Variants in HDAC9 observed in about 807,000 individuals in gnomAD.
The protein encoded by HDAC9 is MEF-2 interacting transcription repressor (MITR) protein.
Under a neutral mutation model 139.4 loss-of-function variants are expected in HDAC9, and 41 were observed. That is an observed-to-expected ratio of 0.29 (90% CI 0.23 to 0.38). HDAC9 has a LOEUF of 0.38. HDAC9 is among the 10% of genes least tolerant of loss of function. HDAC9 has a pLI of 1.00. For synonymous variants in HDAC9, 517 were observed against 476.2 expected (o/e 1.09, Z -1.12); for missense variants, 1,147 against 1,297.0 (o/e 0.88, Z 1.78).
intron 22 of HDAC9, among the ~76,000 whole-genome samples, chr7:18,904,855 A>G (rs538279445): frequency 2.7e-4 from 40 of 150,180 alleles, no homozygotes; most frequent in Middle Eastern, 3.5e-3. Context: ...GATTACAGGC[A>G]TGAGCCGCCG....
At chr7:18,750,518 C>G (rs1178968268) in intron 14 of HDAC9, among the ~76,000 whole-genome samples, 4 of 152,072 alleles carry the variant, frequency 2.6e-5, no homozygotes, top group Non-Finnish European at 2.9e-5. Context: ...CCTAGAAACC[C>G]CAAAGTGAAG....
At position 18,666,333 on chromosome 7, in the gene HDAC9, A is replaced by G; in HGVS notation, c.1588A>G (p.Thr530Ala). 6.2e-7 allele frequency: 1 copy of G among 1,613,428 alleles called. No homozygotes were observed. Among genetic ancestry groups the G allele is most frequent in the Non-Finnish European group, 8.5e-7 (1 of 1,179,618 alleles). Residue 530 changes from threonine (T) to alanine (A), a missense_variant, in exon 12 of 26, where the codon ACT (threonine) becomes GCT (alanine). By Grantham distance (58) the Thr-to-Ala change is moderately conservative (BLOSUM62 0). Coordinates refer to ENST00000686413, the MANE Select transcript of HDAC9 (RefSeq NM_178425.4). ...EDRAPSSGNSTRSDSSACVDD... is the reference protein window; with the variant it reads ...EDRAPSSGNSARSDSSACVDD... ...CAGAGCGCCCTCTAGTGGCAACAGC[A>G]CTAGGAGCGACAGCAGTGCTTGTGT...
At chr7:18,720,484 G>C (rs1435514614) in intron 12 of HDAC9, among the ~76,000 whole-genome samples, 4 of 151,306 alleles carry the variant, frequency 2.6e-5, no homozygotes, top group African/African-American at 9.7e-5. Context: ...ATAATATGTT[G>C]AAATTTTAAA....
At chr7:18,119,892 T>A (rs941379323) in intron 1 of HDAC9, among the ~76,000 whole-genome samples, 2 of 152,222 alleles carry the variant, frequency 1.3e-5, no homozygotes, top group Non-Finnish European at 2.9e-5. Context: ...AGGTGTCATA[T>A]TGAGAATTCA....
chr7:18,623,630 T>C (rs538122775), intron 6 of HDAC9, among the ~76,000 whole-genome samples: 1 of 152,264 alleles, frequency 6.6e-6, no homozygotes, highest in Non-Finnish European at 1.5e-5. Context: ...CATTTGGGGT[T>C]ACAGTTAGTA....
chr7:18,658,871 A>T (rs1457977519), intron 11 of HDAC9, among the ~76,000 whole-genome samples: 1 of 149,014 alleles, frequency 6.7e-6, no homozygotes, highest in Non-Finnish European at 1.5e-5. Context: ...AAGGAAGAAT[A>T]TTACATTTAT....
At chr7:18,485,441 A>G (rs1795903533) in intron 1 of HDAC9, among the ~76,000 whole-genome samples, 2 of 149,664 alleles carry the variant, frequency 1.3e-5, no homozygotes, top group South Asian at 4.2e-4. Flanking sequence ...TTCATATTTA[A>G]TTTATATATA....
At chr7:18,637,492 T>C (rs950075209) in intron 8 of HDAC9, among the ~76,000 whole-genome samples, 1 of 152,052 alleles carries the variant, frequency 6.6e-6, no homozygotes, top group Non-Finnish European at 1.5e-5. Context: ...TGCAAACCTT[T>C]CCTTTCACCC....
At chr7:18,335,002 G>T (rs1047206867) in intron 1 of HDAC9, among the ~76,000 whole-genome samples, 1 of 151,398 alleles carries the variant, frequency 6.6e-6, no homozygotes, top group Non-Finnish European at 1.5e-5. Context: ...TGTCCGGCAG[G>T]GTTTTAGAAG....
chr7:18,302,260 T>A (rs74667114), intron 1 of HDAC9, among the ~76,000 whole-genome samples: 1,706 of 152,320 alleles, frequency 0.011, 23 homozygotes, highest in African/African-American at 0.038. Flanking sequence ...ATATGCTTAG[T>A]TCTCTAATTG....
intron 1 of HDAC9, among the ~76,000 whole-genome samples, chr7:18,093,271 T>G (rs1435726254): frequency 6.6e-6 from 1 of 152,130 alleles, no homozygotes; most frequent in East Asian, 1.9e-4. Flanking sequence ...CAGCTAGGGG[T>G]GGCATTAGGA....
intron 1 of HDAC9, among the ~76,000 whole-genome samples, chr7:18,425,083 G>A (rs1400293725): frequency 9.2e-5 from 14 of 152,008 alleles, no homozygotes; most frequent in Admixed American, 9.2e-4. Context: ...TTAATCTTGA[G>A]GTGTAGTACA....
intron 1 of HDAC9, among the ~76,000 whole-genome samples, chr7:18,367,794 C>T (rs34914418): frequency 0.01 from 1,553 of 152,044 alleles, 9 homozygotes; most frequent in Non-Finnish European, 0.018. Flanking sequence ...ATGTATATGC[C>T]CATCAGCAGC....
chr7:18,917,216 A>C (rs1803286181), intron 22 of HDAC9, among the ~76,000 whole-genome samples: 1 of 151,994 alleles, frequency 6.6e-6, no homozygotes, highest in African/African-American at 2.4e-5. Context: ...CCGCTCAGAC[A>C]CTGTCATGGT....
chr7:18,669,176 A>T (rs1013548893), intron 12 of HDAC9, among the ~76,000 whole-genome samples: 1 of 151,784 alleles, frequency 6.6e-6, no homozygotes, highest in African/African-American at 2.4e-5. Flanking sequence ...ATCTAAATAG[A>T]TGTCAGTTCC....
At chr7:18,670,029 G>T (rs1795572036) in intron 12 of HDAC9, among the ~76,000 whole-genome samples, 1 of 90,032 alleles carries the variant, frequency 1.1e-5, no homozygotes, top group South Asian at 2.8e-4. Context: ...GTACTTAACA[G>T]ATAGATATAT....
chr7:18,479,981 T>G (rs1441444949), intron 1 of HDAC9, among the ~76,000 whole-genome samples: 4 of 149,808 alleles, frequency 2.7e-5, no homozygotes, highest in Non-Finnish European at 5.9e-5. Context: ...AATTCCACTC[T>G]GTCTTTTTTT....
intron 3 of HDAC9, among the ~76,000 whole-genome samples, chr7:18,589,227 T>TA (rs1830285530): frequency 6.6e-6 from 1 of 151,966 alleles, no homozygotes. Flanking sequence ...AGATGGCTAT[T>TA]AAAAAAGAAT....
chr7:18,490,267 G>T (rs920475917), intron 1 of HDAC9, among the ~76,000 whole-genome samples: 1 of 151,954 alleles, frequency 6.6e-6, no homozygotes, highest in East Asian at 1.9e-4. Context: ...TGACTTACTC[G>T]TTCTGGGGTA....
Sources: allele counts gnomAD v4.1 joint callset (sites outside exome capture counted in the v4.1 genomes callset), GRCh38; gene constraint gnomAD v4.1.1; transcripts MANE v1.5; gene names NCBI Gene and HGNC (gene_info 2026-07-23, HGNC 2026-07-21).